AFF3: variants seen among roughly 807,000 people sequenced by gnomAD.
AFF3 encodes AF4/FMR2 family member 3.
AFF3 carries 32 observed loss-of-function variants against 129.7 expected under a neutral mutation model. The ratio of observed to expected loss-of-function variants is 0.25; its 90% CI spans 0.19 to 0.33. The LOEUF is 0.33. Among genes scored for constraint, AFF3 ranks in the 10% least tolerant of loss-of-function variants. The pLI, the probability that AFF3 is intolerant of heterozygous loss-of-function variation, is 1.00. For missense variants in AFF3, 1,373 were observed against 1,592.0 expected (o/e 0.86, Z 2.34); for synonymous variants, 644 against 635.4 (o/e 1.01, Z -0.20).
chr2:100,046,023 T>C (rs1685802173), intron 4 of AFF3, among the ~76,000 whole-genome samples: 1 of 152,134 alleles, frequency 6.6e-6, no homozygotes, highest in South Asian at 2.1e-4. Flanking sequence ...CCAGAGCTGT[T>C]CAAGGGTCAA....
At chr2:100,140,929 A>G (rs1432069580) in intron 1 of AFF3, among the ~76,000 whole-genome samples, 1 of 151,682 alleles carries the variant, frequency 6.6e-6, no homozygotes, top group Non-Finnish European at 1.5e-5. Flanking sequence ...CCTTTCCCAA[A>G]CTCTTACCAT....
intron 7 of AFF3, among the ~76,000 whole-genome samples, chr2:99,898,734 C>T (rs1694155418): frequency 6.6e-6 from 1 of 152,214 alleles, no homozygotes; most frequent in Non-Finnish European, 1.5e-5. Context: ...CCACTCTGAT[C>T]ACCTCCTGCC....
chr2:99,792,534 G>A (rs1685271551), intron 8 of AFF3, among the ~76,000 whole-genome samples: 1 of 152,038 alleles, frequency 6.6e-6, no homozygotes, highest in South Asian at 2.1e-4. Context: ...AAATGAAATT[G>A]GCAAGAGTAT....
intron 7 of AFF3, among the ~76,000 whole-genome samples, chr2:99,958,869 T>C (rs1676930506): frequency 6.6e-6 from 1 of 151,858 alleles, no homozygotes; most frequent in African/African-American, 2.4e-5. Flanking sequence ...TCTCAGCACT[T>C]TGGGAGGTTG....
intron 7 of AFF3, among the ~76,000 whole-genome samples, chr2:99,982,288 G>A (rs1008715756): frequency 2.0e-5 from 3 of 152,048 alleles, no homozygotes; most frequent in African/African-American, 7.3e-5. Flanking sequence ...ATAGTGCATG[G>A]GTCTCACGAG....
intron 14 of AFF3, among the ~76,000 whole-genome samples, chr2:99,597,675 C>T (rs912890122): frequency 3.3e-5 from 5 of 152,236 alleles, no homozygotes; most frequent in African/African-American, 4.8e-5. Context: ...AAGGAAGCTG[C>T]AAGGATACAG....
intron 16 of AFF3, among the ~76,000 whole-genome samples, chr2:99,585,357 C>T (rs1435600055): frequency 6.6e-6 from 1 of 152,094 alleles, no homozygotes; most frequent in Non-Finnish European, 1.5e-5. Context: ...TTGGCAATCC[C>T]CTTCTCTTGG....
Position 99,587,266 on chromosome 2 carries a change from C to A in AFF3, c.2479G>T (p.Asp827Tyr). 1 of 1,614,146 alleles carries A rather than the reference C, an allele frequency of 6.2e-7. No homozygotes were observed. The highest frequency in any genetic ancestry group is 1.3e-5 in the African/African-American group (1 of 75,050). ...SKRKRKCDNE[D>Y]DYREIKKSQG... is the part of the protein sequence containing the mutation. ...GACTTCTTGATCTCCCTGTAGTCGT[C>A]TTCGTTGTCACACTGTATGGGAATA... Residue 827 changes from aspartate to tyrosine, a missense_variant, in exon 16 of 25, where the codon GAC (aspartate) becomes TAC (tyrosine). Physicochemically the swap from Asp to Tyr is radical, Grantham distance 160. Around this residue, in one of 9 missense-constraint regions of AFF3, gnomAD observed 466 missense variants for 505.0 expected, o/e 0.92. Transcript: ENST00000672756.
chr2:100,038,173 G>A (rs1685127642), intron 4 of AFF3, among the ~76,000 whole-genome samples: 1 of 151,986 alleles, frequency 6.6e-6, no homozygotes, highest in South Asian at 2.1e-4. Flanking sequence ...AGAAGGATCT[G>A]CAGGAGACGC....
intron 13 of AFF3, among the ~76,000 whole-genome samples, chr2:99,612,853 T>C (rs879350857): frequency 6.6e-6 from 1 of 152,164 alleles, no homozygotes; most frequent in South Asian, 2.1e-4. Context: ...GGGTGTAAGT[T>C]TGTGGTCTTT....
In AFF3 at chr2:99,558,966, T is replaced by C; in HGVS notation, c.3194A>G (p.Tyr1065Cys). 5.0e-6 allele frequency: 8 copies of C among 1,614,166 alleles called. No individual in the cohort carries two copies. Among genetic ancestry groups the C allele is most frequent in the Non-Finnish European group, 6.8e-6 (8 of 1,179,996 alleles). The part of the protein sequence containing the change: ...PEDKQLAALC[Y>C]RCLALLYWRM... ...CCAGTACAGGAGGGCCAGGCATCGG[T>C]AACTGCAGGCGAAAAGAGAAACAGG... Residue 1065 changes from tyrosine to cysteine, a missense_variant and splice_region_variant, in exon 22 of 25, where the codon TAC becomes TGC. Tyr to Cys is a radical substitution (Grantham distance 194). Around this residue, in one of 9 missense-constraint regions of AFF3, gnomAD observed 165 missense variants for 234.0 expected, o/e 0.71. Coordinates refer to ENST00000672756, the MANE Select transcript of AFF3 (RefSeq NM_001386135.1).
At chr2:99,878,162 G>A (rs1230140274) in intron 7 of AFF3, among the ~76,000 whole-genome samples, 1 of 152,182 alleles carries the variant, frequency 6.6e-6, no homozygotes, top group Non-Finnish European at 1.5e-5. Flanking sequence ...GCGGAAAGAG[G>A]AAGGTTGCCT....
chr2:99,919,753 A>T (rs1371731889), intron 7 of AFF3, among the ~76,000 whole-genome samples: 1 of 146,790 alleles, frequency 6.8e-6, no homozygotes. Flanking sequence ...ACTGAAAAAT[A>T]AAAAAAAAAT....
At chr2:99,604,898 C>T (rs1174746413) in intron 13 of AFF3, among the ~76,000 whole-genome samples, 1 of 152,244 alleles carries the variant, frequency 6.6e-6, no homozygotes, top group Non-Finnish European at 1.5e-5. Flanking sequence ...TATATTCTAT[C>T]TGCTTTCACT....
chr2:99,599,193 A>G (rs1679576106), intron 14 of AFF3, among the ~76,000 whole-genome samples: 1 of 152,226 alleles, frequency 6.6e-6, no homozygotes, highest in South Asian at 2.1e-4. Flanking sequence ...AAGTCTTTGT[A>G]ATTATCTCAG....
chr2:99,689,405 CT>C (rs1575700986), intron 11 of AFF3, among the ~76,000 whole-genome samples: 1 of 152,208 alleles, frequency 6.6e-6, no homozygotes, highest in East Asian at 1.9e-4. Context: ...GCCCTTCTCC[CT>C]GTTCTCATTT....
At chr2:99,647,260 T>C (rs1484454140) in intron 13 of AFF3, among the ~76,000 whole-genome samples, 1 of 152,172 alleles carries the variant, frequency 6.6e-6, no homozygotes, top group Non-Finnish European at 1.5e-5. Context: ...CAAATGCCCA[T>C]TAACGATAGA....
chr2:99,547,175 T>C lies in AFF3; in HGVS notation c.*4299A>G, dbSNP rs1674101071. On this transcript the variant is annotated 3_prime_UTR_variant, in exon 25 of 25. Coordinates refer to ENST00000672756, the MANE Select transcript of AFF3 (RefSeq NM_001386135.1). Reference sequence around the variant, plus strand: ...AGCCAGAACAACTGACTTGAACGTATTTTGATTCTCAAGTTTCCGTGTAAA... The same window carrying C: ...AGCCAGAACAACTGACTTGAACGTACTTTGATTCTCAAGTTTCCGTGTAAA... The C allele has an allele frequency of 4.6e-6, 1 of 217,388 alleles. No individual in the cohort carries two copies. The highest frequency in any genetic ancestry group is 2.2e-5 in the African/African-American group (1 of 44,602). 13.5% of individuals were successfully genotyped at this position (217,388 alleles called of 1,614,324 possible).
chr2:99,934,185 C>T (rs921236010), intron 7 of AFF3, among the ~76,000 whole-genome samples: 10 of 152,140 alleles, frequency 6.6e-5, no homozygotes, highest in African/African-American at 2.2e-4. Context: ...CTTCTTTCTG[C>T]CATGTGCCTG....
Sources: allele counts gnomAD v4.1 joint callset (sites outside exome capture counted in the v4.1 genomes callset), GRCh38; gene constraint gnomAD v4.1.1; regional missense constraint gnomAD v4.1.1; transcripts MANE v1.5; gene names NCBI Gene and HGNC (gene_info 2026-07-23, HGNC 2026-07-21).